Variants in HEATR5B observed in about 807,000 individuals in gnomAD.
HEATR5B encodes HEAT repeat containing 5B, also known as HEAT repeat-containing protein 5B.
In HEATR5B, 156 loss-of-function variants were observed where a neutral mutation model predicts 224.1. The ratio of observed to expected loss-of-function variants is 0.70; its 90% CI spans 0.61 to 0.80. The LOEUF (loss-of-function observed/expected upper bound fraction) is 0.80. Ranked by LOEUF, HEATR5B falls within the 30% of genes least tolerant of loss-of-function variation. The probability of loss-of-function intolerance (pLI) is 0.00; values close to 1 mark genes in which losing one functional copy is unlikely to be tolerated. For synonymous variants in HEATR5B, 1,027 were observed against 893.0 expected, an observed-to-expected ratio of 1.15 and a Z score of -2.68; for missense variants, 2,323 against 2,535.5, an observed-to-expected ratio of 0.92 and a Z score of 1.80.
At chr2:37,005,813 G>A (rs1667379496) in intron 29 of HEATR5B, 54 bp from the exon 30 acceptor site, 2 of 1,356,598 alleles carry the variant, frequency 1.5e-6, no homozygotes, top group African/African-American at 1.5e-5. Flanking sequence ...ACTTTATGTT[G>A]TTTGATCCCA....
At chr2:36,987,361 G>A (rs527494198) in intron 35 of HEATR5B, among the ~76,000 whole-genome samples, 6 of 151,512 alleles carry the variant, frequency 4.0e-5, no homozygotes, top group Non-Finnish European at 8.8e-5. Flanking sequence ...CTTCAGAGGC[G>A]GAGGTTGCGG....
chr2:37,004,609 C>T (rs1042279167), intron 30 of HEATR5B, among the ~76,000 whole-genome samples: 2 of 151,914 alleles, frequency 1.3e-5, no homozygotes, highest in Non-Finnish European at 2.9e-5. Flanking sequence ...CAATCCTCTG[C>T]GGGAGGTCAC....
chr2:37,046,495 C>T (rs867368511), intron 18 of HEATR5B, among the ~76,000 whole-genome samples: 2 of 151,616 alleles, frequency 1.3e-5, no homozygotes, highest in East Asian at 1.9e-4. Context: ...AAAAATTAGC[C>T]GGGCGTGGTG....
At chr2:37,005,986 A>G (rs533338244) in intron 29 of HEATR5B, among the ~76,000 whole-genome samples, 1 of 152,338 alleles carries the variant, frequency 6.6e-6, no homozygotes, top group East Asian at 1.9e-4. Flanking sequence ...TGAAAGAAGG[A>G]ATTCCCATGC....
Position 37,040,357 on chromosome 2 carries a change from T to C in HEATR5B, c.3018A>G (p.Ile1006Met), listed in dbSNP as rs1040215899. Reference protein sequence around the residue: ...HQCLGRCLGAIITTVGPELQG... With the variant: ...HQCLGRCLGAMITTVGPELQG... ...GTAGTTCAGGGCCAACAGTAGTTAT[T>C]ATAGCACCCAAGCATCGACCCAAAC... The change falls in exon 20 of 36, where the codon ATA becomes ATG. Residue 1006 changes from isoleucine to methionine, a missense_variant. By Grantham distance (10) the Ile-to-Met change is conservative. Coordinates refer to ENST00000233099, the MANE Select transcript of HEATR5B (RefSeq NM_019024.3). The C allele has an allele frequency of 2.5e-6, 4 of 1,613,886 alleles. No homozygotes were observed. Among genetic ancestry groups the C allele is most frequent in the African/African-American group, 2.7e-5 (2 of 74,912 alleles).
chr2:37,009,174 C>G (rs1001553968), intron 27 of HEATR5B, among the ~76,000 whole-genome samples: 13 of 146,756 alleles, frequency 8.9e-5, no homozygotes, highest in African/African-American at 1.5e-4. Context: ...AGGGGAATCG[C>G]TTGAACCAGG....
intron 6 of HEATR5B, among the ~76,000 whole-genome samples, chr2:37,071,159 AT>A (rs1558375562): frequency 2.9e-5 from 4 of 139,722 alleles, no homozygotes; most frequent in Non-Finnish European, 6.2e-5. Context: ...CATCATCATC[AT>A]CATCTACTGA....
chr2:37,039,341 C>T (rs1470888055), intron 20 of HEATR5B, among the ~76,000 whole-genome samples: 1 of 151,954 alleles, frequency 6.6e-6, no homozygotes, highest in African/African-American at 2.4e-5. Context: ...TGGCAGGCAC[C>T]TGTAATCCCA....
intron 26 of HEATR5B, among the ~76,000 whole-genome samples, chr2:37,017,817 T>C (rs1210885070): frequency 1.3e-5 from 2 of 151,960 alleles, no homozygotes; most frequent in Non-Finnish European, 1.5e-5. Context: ...GACTTTGCCC[T>C]ACATCAAAAG....
chr2:37,055,048 G>C, intron 16 of HEATR5B: 1 of 379,444 alleles, frequency 2.6e-6, no homozygotes, highest in Non-Finnish European at 5.4e-6. Flanking sequence ...ACATTTTGAT[G>C]TACTTTAAAA....
At chr2:36,990,116 C>G (rs1666226981) in intron 34 of HEATR5B, among the ~76,000 whole-genome samples, 1 of 151,708 alleles carries the variant, frequency 6.6e-6, no homozygotes, top group Non-Finnish European at 1.5e-5. Flanking sequence ...AGGCTGGTCT[C>G]GAACTCCTGA....
In HEATR5B at chr2:37,019,513, G is replaced by C. The variant is rs961228489; in HGVS notation, c.4104+296C>G. 2.0e-5 allele frequency among the ~76,000 whole-genome samples: 3 copies of C among 150,410 alleles called. No homozygotes were observed. The South Asian group carries it at 6.3e-4, about 32-fold the overall frequency. ...GCTCCGTTGCCCAGGCTGGAGTACA[G>C]TGGCGAAATCTTGGGTCATTGTAGC... On this transcript the variant is annotated intron_variant, in intron 26 of 35. Coordinates refer to ENST00000233099, the MANE Select transcript of HEATR5B (RefSeq NM_019024.3).
Position 36,990,897 on chromosome 2 carries a change from C to T in HEATR5B, c.5546-98G>A, listed in dbSNP as rs866123150. The T allele has an allele frequency of 1.0e-5, 11 of 1,052,798 alleles. No homozygotes were observed. The Middle Eastern group carries it at 6.8e-4, about 65-fold the overall frequency. 65.2% of individuals were successfully genotyped at this position (1,052,798 alleles called of 1,614,324 possible). On this transcript the variant is annotated intron_variant, in intron 33 of 35. Coordinates refer to ENST00000233099, the MANE Select transcript of HEATR5B (RefSeq NM_019024.3). Reference sequence around the variant, plus strand: ...GAGAGACGTTGTCTTGCCATGTTGTCCAGGCTGGTCTTGAACTCCTGAGCT... The same window carrying T: ...GAGAGACGTTGTCTTGCCATGTTGTTCAGGCTGGTCTTGAACTCCTGAGCT...
At chr2:36,995,017 T>C (rs1344865810) in intron 33 of HEATR5B, among the ~76,000 whole-genome samples, 1 of 151,718 alleles carries the variant, frequency 6.6e-6, no homozygotes, top group Non-Finnish European at 1.5e-5. Context: ...CCCAAAGTGC[T>C]GGGATTACAG....
intron 33 of HEATR5B, among the ~76,000 whole-genome samples, chr2:37,000,313 G>C (rs1383303618): frequency 6.6e-6 from 1 of 152,002 alleles, no homozygotes; most frequent in Non-Finnish European, 1.5e-5. Flanking sequence ...CTGACCTCAG[G>C]TATCTGCCCA....
intron 35 of HEATR5B, among the ~76,000 whole-genome samples, chr2:36,987,906 T>C (rs764663943): frequency 1.6e-4 from 25 of 151,856 alleles, no homozygotes; most frequent in Non-Finnish European, 3.4e-4. Context: ...AACCTGTCTC[T>C]ACAAAAAATA....
chr2:37,045,376 G>GCTA, intron 18 of HEATR5B, among the ~76,000 whole-genome samples: 1 of 152,156 alleles, frequency 6.6e-6, no homozygotes, highest in Non-Finnish European at 1.5e-5. Context: ...ATACAGTTCA[G>GCTA]CTACTACTAA....
In HEATR5B at chr2:37,064,885, A is replaced by G; in HGVS notation, c.1439T>C (p.Leu480Pro). The G allele has an allele frequency of 1.9e-6, 3 of 1,614,166 alleles. No individual in the cohort carries two copies. The highest frequency in any genetic ancestry group is 2.5e-6 in the Non-Finnish European group (3 of 1,180,014). ...TGCACACCTGTCTAGAAATGGTGTC[A>G]GCTGGAAAGGTAATGCCACAGCCAC... ...RCVAVALPFQ[L>P]TPFLDRCAER... The change falls in exon 10 of 36, where the codon CTG becomes CCG. Residue 480 changes from leucine to proline, a missense_variant. This residue lies in a region of HEATR5B where 502 missense variants were observed against 517.8 expected (regional missense o/e 0.97). Coordinates refer to ENST00000233099, the MANE Select transcript of HEATR5B (RefSeq NM_019024.3).
At chr2:37,051,613 T>C (rs1464704260) in intron 17 of HEATR5B, among the ~76,000 whole-genome samples, 4 of 152,122 alleles carry the variant, frequency 2.6e-5, no homozygotes, top group African/African-American at 7.2e-5. Flanking sequence ...ACTCTCCCAA[T>C]CACTGAAGGA....
Sources: allele counts gnomAD v4.1 joint callset (sites outside exome capture counted in the v4.1 genomes callset), GRCh38; gene constraint gnomAD v4.1.1; regional missense constraint gnomAD v4.1.1; transcripts MANE v1.5; gene names NCBI Gene and HGNC (gene_info 2026-07-23, HGNC 2026-07-21).